WNK1: variants seen among roughly 807,000 people sequenced by gnomAD.
WNK1 encodes the protein serine/threonine-protein kinase WNK1.
WNK1 carries 38 observed loss-of-function variants against 222.8 expected under a neutral mutation model. That is an observed-to-expected ratio of 0.17 (90% confidence interval 0.13 to 0.22). The LOEUF is 0.22. WNK1 is among the 10% of genes least tolerant of loss of function. WNK1 has a pLI of 1.00. For synonymous variants in WNK1, 1,090 were observed against 1,092.9 expected (o/e 1.00, Z 0.05); for missense variants, 2,348 against 2,918.4 (o/e 0.80, Z 4.50).
At position 885,751 on chromosome 12, in the gene WNK1, T is replaced by A; in HGVS notation, c.4947T>A (p.Ile1649=). 1.2e-6 allele frequency: 2 copies of A among 1,614,212 alleles called. No homozygotes were observed. The highest frequency in any genetic ancestry group is 1.7e-6 in the Non-Finnish European group (2 of 1,180,032). The change falls in exon 19 of 28, where the codon ATT becomes ATA. Residue 1649 remains isoleucine (I), a synonymous_variant. Transcript: ENST00000315939. ...ATACACAACCCAAAGCTCCTGGAAT[T>A]GATGACATAAAGACTCTAGAAGAAA... ...DSDTQPKAPG[I]DDIKTLEEKL...
chr12:878,797 T>TTTTTTTTGAGACGG (rs1555145195), intron 10 of WNK1, among the ~76,000 whole-genome samples: 1 of 150,508 alleles, frequency 6.6e-6, no homozygotes, highest in Non-Finnish European at 1.5e-5. Flanking sequence ...TTTTTTTTCT[T>TTTTTTTTGAGACGG]AAGTAGTCCT....
intron 26 of WNK1, among the ~76,000 whole-genome samples, chr12:903,543 A>G (rs2154100307): frequency 6.6e-6 from 1 of 152,360 alleles, no homozygotes; most frequent in Non-Finnish European, 1.5e-5. Context: ...TTTCTGAAAT[A>G]TAATGTGACA....
intron 1 of WNK1, among the ~76,000 whole-genome samples, chr12:758,177 C>T (rs1940458005): frequency 6.8e-6 from 1 of 146,470 alleles, no homozygotes; most frequent in Non-Finnish European, 1.5e-5. Context: ...GTTTCCACAT[C>T]TACCTGAAAA....
chr12:906,382 AAT>A (rs1332461221), intron 26 of WNK1: 1 of 985,140 alleles, frequency 1.0e-6, no homozygotes. Flanking sequence ...AAACCGCAGA[AAT>A]AGAGTTCCTT....
intron 2 of WNK1, among the ~76,000 whole-genome samples, chr12:818,979 A>G (rs1947615524): frequency 6.6e-6 from 1 of 152,256 alleles, no homozygotes; most frequent in South Asian, 2.1e-4. Context: ...TTTTGGCTGT[A>G]TACTAGGAAT....
chr12:760,882 T>A lies in WNK1; in HGVS notation c.759+6558T>A, dbSNP rs1389473755. On this transcript the variant is annotated intron_variant, in intron 1 of 27. Transcript: ENST00000315939. ...TCCACCTCCTGTGTTCAAGCGATTC[T>A]CCTGCCTCAGCCTCCAGAGTAGCTG... Among the ~76,000 whole-genome samples, 3 of 146,562 alleles carry A rather than the reference T, an allele frequency of 2.0e-5. No individual in the cohort carries two copies. The East Asian group carries it at 5.9e-4, about 29-fold the overall frequency.
chr12:894,521 A>G, intron 22 of WNK1, 41 bp from the exon 23 acceptor site: 3 of 1,531,804 alleles, frequency 2.0e-6, no homozygotes, highest in Non-Finnish European at 2.7e-6. Context: ...GTTAACTGGA[A>G]GGAGACACTT....
intron 10 of WNK1, 150 bp from the exon 11 acceptor site, chr12:879,423 A>G (rs1952919163): frequency 4.6e-6 from 3 of 653,920 alleles, no homozygotes; most frequent in Non-Finnish European, 7.7e-6. Flanking sequence ...ACACTAATGT[A>G]TGCAGGGTTT....
chr12:778,664 T>G lies in WNK1; in HGVS notation c.759+24340T>G, dbSNP rs116303651. Among the ~76,000 whole-genome samples the G allele has an allele frequency of 4.8e-3, 722 of 151,706 alleles. 7 individuals are homozygous for G. The highest frequency in any genetic ancestry group is 0.017 in the African/African-American group (684 of 41,334). Reference sequence around the variant, plus strand: ...TTTTTTTTTTTTTTTTTAAAGTCATTCGTAGAAATTGGAAGGAAATATCTA... The same window carrying G: ...TTTTTTTTTTTTTTTTTAAAGTCATGCGTAGAAATTGGAAGGAAATATCTA... On this transcript the variant is annotated intron_variant, in intron 1 of 27. Transcript: ENST00000315939.
intron 2 of WNK1, among the ~76,000 whole-genome samples, chr12:826,566 C>G (rs761723031): frequency 2.6e-5 from 4 of 152,142 alleles, no homozygotes; most frequent in Non-Finnish European, 5.9e-5. Context: ...ATATTTTTGA[C>G]TAGAGTTTAT....
In WNK1 at chr12:888,924, C is replaced by G. The variant is rs72650750; in HGVS notation, c.5365-216C>G. Among the ~76,000 whole-genome samples the G allele has an allele frequency of 5.7e-3, 869 of 152,324 alleles. 5 individuals carry two copies. The highest frequency in any genetic ancestry group is 0.014 in the Middle Eastern group (4 of 294). ...TCTTAAACTGCAAAAACATGAACTA[C>G]TCTGAGCCTTGAGAGTCTGACATAC... On this transcript the variant is annotated intron_variant, in intron 20 of 27. Coordinates refer to ENST00000315939, the MANE Select transcript of WNK1 (RefSeq NM_018979.4).
At chr12:787,586 C>T (rs1021349459) in intron 1 of WNK1, among the ~76,000 whole-genome samples, 1 of 152,168 alleles carries the variant, frequency 6.6e-6, no homozygotes, top group Non-Finnish European at 1.5e-5. Context: ...GTGTTTAATG[C>T]TTGCCTGGTT....
At chr12:887,929 T>A in intron 20 of WNK1, among the ~76,000 whole-genome samples, 1 of 1,344 alleles carries the variant, frequency 7.4e-4, no homozygotes, top group East Asian at 0.018. Flanking sequence ...AACTTGAGAT[T>A]CCCATCTCAC....
intron 2 of WNK1, among the ~76,000 whole-genome samples, chr12:821,947 G>GTA (rs1263455521): frequency 1.3e-5 from 2 of 151,982 alleles, no homozygotes; most frequent in Non-Finnish European, 2.9e-5. Flanking sequence ...CTTGTAGACA[G>GTA]TATATAGTTG....
intron 1 of WNK1, among the ~76,000 whole-genome samples, chr12:805,357 C>T (rs952091175): frequency 3.9e-5 from 6 of 152,040 alleles, no homozygotes; most frequent in African/African-American, 1.5e-4. Context: ...GAAGTGGTAT[C>T]TTACTGCTAG....
At chr12:791,339 A>T (rs1944817203) in intron 1 of WNK1, among the ~76,000 whole-genome samples, 1 of 152,036 alleles carries the variant, frequency 6.6e-6, no homozygotes, top group Admixed American at 6.6e-5. Context: ...GCCTATCTGG[A>T]AATTTTCATG....
At chr12:831,398 C>T (rs1377669175) in intron 4 of WNK1, among the ~76,000 whole-genome samples, 2 of 151,904 alleles carry the variant, frequency 1.3e-5, no homozygotes, top group East Asian at 1.9e-4. Flanking sequence ...ATTAGCCAGG[C>T]GTGGTGGTGC....
At chr12:778,665 C>T (rs1477822347) in intron 1 of WNK1, among the ~76,000 whole-genome samples, 2 of 144,762 alleles carry the variant, frequency 1.4e-5, no homozygotes, top group African/African-American at 2.5e-5. Flanking sequence ...TAAAGTCATT[C>T]GTAGAAATTG....
At chr12:800,069 G>C (rs1301625427) in intron 1 of WNK1, among the ~76,000 whole-genome samples, 1 of 152,136 alleles carries the variant, frequency 6.6e-6, no homozygotes, top group African/African-American at 2.4e-5. Context: ...GCTTGAGCCT[G>C]GGAGGTTAAG....
Sources: gnomAD v4.1 joint callset for allele counts (sites outside exome capture counted in the v4.1 genomes callset) on GRCh38, gnomAD v4.1.1 for gene constraint, MANE v1.5 for transcripts, NCBI Gene and HGNC (gene_info 2026-07-23, HGNC 2026-07-21) for gene names.